The following GDAP1 variants were observed in gnomAD, a reference collection of about 807,000 sequenced individuals.
GDAP1 encodes the protein ganglioside induced differentiation associated protein 1, also known as ganglioside-induced differentiation-associated protein 1.
Under a neutral mutation model 40.1 loss-of-function variants are expected in GDAP1, and 34 were observed. The ratio of observed to expected loss-of-function variants is 0.85; its 90% CI spans 0.64 to 1.13. The LOEUF (loss-of-function observed/expected upper bound fraction) is 1.13, where lower values mean the gene tolerates loss of function less well. Ranked by LOEUF, GDAP1 falls within the 50% of genes most tolerant of loss-of-function variation. The pLI is 0.00. For missense variants in GDAP1, 374 were observed against 433.7 expected (o/e 0.86, Z 1.22); for synonymous variants, 170 against 157.4 (o/e 1.08, Z -0.60).
chr8:74,443,033 T>C (rs1470377978), intron 2 of GDAP1, among the ~76,000 whole-genome samples: 3 of 152,198 alleles, frequency 2.0e-5, no homozygotes, highest in Non-Finnish European at 4.4e-5. Flanking sequence ...AGAAACTAGT[T>C]GGGCAATGGG....
rs148508128 is a variant in GDAP1, at chr8:74,361,955, A to G, written c.556A>G (p.Ile186Val). Residue 186 changes from isoleucine (I) to valine (V), a missense_variant, in exon 4 of 6, where the codon ATT becomes GTT. Coordinates refer to ENST00000220822, the MANE Select transcript of GDAP1 (RefSeq NM_018972.4). ...AAACCCAGATTTACAAGAAGCATAC[A>G]TTGCAAAACAGAAACGACTTAAAGT... ...EENPDLQEAYIAKQKRLKSKL... is the reference protein window; with the variant it reads ...EENPDLQEAYVAKQKRLKSKL... 7.6e-4 allele frequency: 1,207 copies of G among 1,598,174 alleles called. 1 individual carries two copies. The highest frequency in any genetic ancestry group is 9.9e-4 in the Non-Finnish European group (1,152 of 1,166,328).
At chr8:74,428,871 G>A (rs1367187638) in intron 2 of GDAP1, among the ~76,000 whole-genome samples, 4 of 28,488 alleles carry the variant, frequency 1.4e-4, no homozygotes, top group Admixed American at 3.1e-4. Flanking sequence ...CGCCTCCCCC[G>A]ACCCCACAAC....
At chr8:74,434,448 A>G (rs1173371107) in intron 2 of GDAP1, among the ~76,000 whole-genome samples, 1 of 152,228 alleles carries the variant, frequency 6.6e-6, no homozygotes, top group African/African-American at 2.4e-5. Context: ...AAATGAAGGT[A>G]CTGAATTGAA....
intron 2 of GDAP1, among the ~76,000 whole-genome samples, chr8:74,396,921 G>A (rs1170321138): frequency 2.0e-5 from 3 of 152,176 alleles, no homozygotes; most frequent in African/African-American, 7.2e-5. Flanking sequence ...GATCCCTGAG[G>A]AATCGCCACA....
chr8:74,482,751 T>C (rs373825883), intron 2 of GDAP1, among the ~76,000 whole-genome samples: 2 of 152,232 alleles, frequency 1.3e-5, no homozygotes, highest in African/African-American at 4.8e-5. Flanking sequence ...AATAGAAATA[T>C]TTGAGCCTGT....
chr8:74,399,528 G>T (rs1810280298), intron 2 of GDAP1, among the ~76,000 whole-genome samples: 1 of 146,516 alleles, frequency 6.8e-6, no homozygotes, highest in African/African-American at 2.7e-5. Flanking sequence ...TTTTTGAAGG[G>T]TTTTTTGTGT....
At chr8:74,453,951 A>G (rs1476308236) in intron 2 of GDAP1, among the ~76,000 whole-genome samples, 932 of 80,022 alleles carry the variant, frequency 0.012, 365 homozygotes, top group Middle Eastern at 0.059. Context: ...ACACACACAC[A>G]CACACACACA....
intron 2 of GDAP1, among the ~76,000 whole-genome samples, chr8:74,476,010 G>A (rs1464705307): frequency 2.0e-5 from 3 of 152,196 alleles, no homozygotes; most frequent in East Asian, 3.9e-4. Flanking sequence ...TCTTCTTGCT[G>A]AATTGAACCC....
At chr8:74,455,815 CTAAA>C (rs1243478300) in intron 2 of GDAP1, among the ~76,000 whole-genome samples, 1 of 151,858 alleles carries the variant, frequency 6.6e-6, no homozygotes, top group East Asian at 1.9e-4. Context: ...GCATAGCAGA[CTAAA>C]TAATCACCAT....
rs1806306227 is a variant in GDAP1, at chr8:74,453,338, A to G, written c.166-35340A>G. Among the ~76,000 whole-genome samples the G allele has an allele frequency of 2.4e-5, 2 of 84,400 alleles. 1 individual carries two copies. The highest frequency in any genetic ancestry group is 1.0e-4 in the African/African-American group (2 of 19,406). 55.4% of individuals were successfully genotyped at this position (84,400 alleles called of 152,430 possible). On this transcript the variant is annotated intron_variant, in intron 2 of 2. Transcript: ENST00000523640. ...TCATTATCAATAAAATGGGGACATT[A>G]ATTATATTCACTCAGGCTATGAGAA...
chr8:74,369,586 C>G (rs1261953351), downstream of GDAP1, among the ~76,000 whole-genome samples: 1 of 151,312 alleles, frequency 6.6e-6, no homozygotes, highest in Admixed American at 6.6e-5. Flanking sequence ...TACGGGAGTT[C>G]TAAAAAGAGA....
At chr8:74,384,653 C>G (rs551105575) in intron 2 of GDAP1, among the ~76,000 whole-genome samples, 9 of 152,242 alleles carry the variant, frequency 5.9e-5, no homozygotes, top group African/African-American at 2.2e-4. Context: ...AACCCCACAT[C>G]AAGAAGATTT....
At chr8:74,375,111 G>A (rs1382219896) in intron 2 of GDAP1, among the ~76,000 whole-genome samples, 1 of 152,132 alleles carries the variant, frequency 6.6e-6, no homozygotes, top group Non-Finnish European at 1.5e-5. Context: ...TGGATCACTT[G>A]AGGTTAGGAG....
intron 2 of GDAP1, among the ~76,000 whole-genome samples, chr8:74,467,532 C>G (rs1806485436): frequency 1.3e-5 from 2 of 152,074 alleles, no homozygotes; most frequent in South Asian, 4.2e-4. Flanking sequence ...ATATGAGAGG[C>G]AAGAGTCAAT....
chr8:74,470,511 T>G (rs1159004021), intron 2 of GDAP1, among the ~76,000 whole-genome samples: 1 of 152,208 alleles, frequency 6.6e-6, no homozygotes, highest in Non-Finnish European at 1.5e-5. Context: ...GTGTCTGGTT[T>G]TTTGTCCTTG....
intron 2 of GDAP1, among the ~76,000 whole-genome samples, chr8:74,382,375 G>GTTTTT (rs1586816379): frequency 4.0e-5 from 2 of 50,082 alleles, no homozygotes; most frequent in African/African-American, 1.5e-4. Flanking sequence ...CATTGCTAGT[G>GTTTTT]GTTTTTTTTT....
At chr8:74,395,292 C>G (rs1044039259) in intron 2 of GDAP1, among the ~76,000 whole-genome samples, 2 of 152,104 alleles carry the variant, frequency 1.3e-5, no homozygotes, top group African/African-American at 2.4e-5. Flanking sequence ...GTTCAGGGAC[C>G]TGGTCCTGTC....
In GDAP1 at chr8:74,356,722, T is replaced by A. The variant is rs1464820662; in HGVS notation, c.311-3415T>A. On this transcript the variant is annotated intron_variant, in intron 2 of 5. Coordinates refer to ENST00000220822, the MANE Select transcript of GDAP1 (RefSeq NM_018972.4). ...TGTGTGTATATATATATATATTTTT[T>A]TTTTTTTTTTTGAGACGGAGTCTCG... Among the ~76,000 whole-genome samples, 335 of 133,300 alleles carry A rather than the reference T, an allele frequency of 2.5e-3. 2 individuals are homozygous for A. Among genetic ancestry groups the A allele is most frequent in the South Asian group, 0.015 (68 of 4,448 alleles). The allele number at this position is 133,300 out of a possible 152,430, so 87.4% of individuals were successfully genotyped here.
chr8:74,429,102 T>G (rs1209913201), intron 2 of GDAP1, among the ~76,000 whole-genome samples: 2 of 152,086 alleles, frequency 1.3e-5, no homozygotes, highest in Non-Finnish European at 2.9e-5. Context: ...ATTTTCTTAA[T>G]CCAGTCTATC....
Sources: gnomAD v4.1 joint callset for allele counts (sites outside exome capture counted in the v4.1 genomes callset) on GRCh38, gnomAD v4.1.1 for gene constraint, MANE v1.5 for transcripts, NCBI Gene and HGNC (gene_info 2026-07-23, HGNC 2026-07-21) for gene names.